Variants in LARGE1 observed in about 807,000 individuals in gnomAD.
LARGE1 encodes the protein xylosyl- and glucuronyltransferase LARGE1.
LARGE1 carries 43 observed loss-of-function variants against 87.6 expected under a neutral mutation model. The ratio of observed to expected loss-of-function variants is 0.49; its 90% confidence interval spans 0.38 to 0.63. The LOEUF (loss-of-function observed/expected upper bound fraction) is 0.63, where lower values mean the gene tolerates loss of function less well. Among genes scored for constraint, LARGE1 ranks in the 30% least tolerant of loss-of-function variants. The pLI, the probability that LARGE1 is intolerant of heterozygous loss-of-function variation, is 0.00. For synonymous variants in LARGE1, 434 were observed against 394.6 expected (o/e 1.10, Z -1.18); for missense variants, 802 against 1,000.2 (o/e 0.80, Z 2.67).
chr22:33,485,141 T>C (rs973930774), intron 6 of LARGE1, among the ~76,000 whole-genome samples: 9 of 151,898 alleles, frequency 5.9e-5, no homozygotes, highest in Admixed American at 5.2e-4. Flanking sequence ...TCGAACTCCT[T>C]AGCTCAGGCA....
chr22:33,364,811 C>T (rs182255427), intron 9 of LARGE1, among the ~76,000 whole-genome samples: 415 of 152,210 alleles, frequency 2.7e-3, no homozygotes, highest in South Asian at 7.1e-3. Flanking sequence ...AACGTCCCAC[C>T]GCAGCCACCC....
In LARGE1 at chr22:33,749,950, G is replaced by T. The variant is rs999937447; in HGVS notation, c.106+11421C>A. On this transcript the variant is annotated intron_variant, in intron 2 of 14. Coordinates refer to ENST00000397394, the MANE Select transcript of LARGE1 (RefSeq NM_133642.5). ...GGACAGGCTCCCTTGCTATCTTGGTGGCCTTGCTCAAACGGTACAACGTCC... is the reference window on the plus strand; with the variant it reads ...GGACAGGCTCCCTTGCTATCTTGGTTGCCTTGCTCAAACGGTACAACGTCC... Among the ~76,000 whole-genome samples, 5 of 152,106 alleles carry T rather than the reference G, an allele frequency of 3.3e-5. 1 individual carries two copies. The highest frequency in any genetic ancestry group is 6.3e-3 in the Middle Eastern group (2 of 316).
chr22:33,289,547 T>C (rs537367615), intron 12 of LARGE1, among the ~76,000 whole-genome samples: 3 of 152,288 alleles, frequency 2.0e-5, no homozygotes, highest in South Asian at 2.1e-4. Flanking sequence ...CTGTCACAGC[T>C]GAGCCTACTG....
At chr22:33,865,077 G>C (rs1276972840) in intron 1 of LARGE1, among the ~76,000 whole-genome samples, 2 of 152,182 alleles carry the variant, frequency 1.3e-5, no homozygotes, top group Admixed American at 1.3e-4. Flanking sequence ...ATAAAGTACT[G>C]CTGACTTCTA....
At chr22:33,174,557 T>A (rs978699056) in intron 11 of LARGE1, among the ~76,000 whole-genome samples, 60 of 152,068 alleles carry the variant, frequency 3.9e-4, no homozygotes, top group African/African-American at 1.4e-3. Context: ...AGCAGCTGCT[T>A]TTTTGAAAAG....
chr22:33,452,937 G>T (rs967195284), intron 6 of LARGE1, among the ~76,000 whole-genome samples: 2 of 152,202 alleles, frequency 1.3e-5, no homozygotes, highest in African/African-American at 2.4e-5. Flanking sequence ...AGGCCTGGTA[G>T]AGAGGAATTA....
intron 6 of LARGE1, among the ~76,000 whole-genome samples, chr22:33,433,887 G>A (rs1008936907): frequency 5.9e-5 from 9 of 152,150 alleles, no homozygotes; most frequent in Non-Finnish European, 1.0e-4. Context: ...GATGGTGTGT[G>A]GGTTTGGGGT....
At chr22:33,496,373 C>G (rs371213070) in intron 6 of LARGE1, among the ~76,000 whole-genome samples, 3 of 152,126 alleles carry the variant, frequency 2.0e-5, no homozygotes, top group African/African-American at 7.2e-5. Flanking sequence ...TTAACCATCA[C>G]GGTGAGTGAT....
At chr22:33,340,120 C>T (rs900170557) in intron 9 of LARGE1, among the ~76,000 whole-genome samples, 11 of 149,564 alleles carry the variant, frequency 7.4e-5, no homozygotes, top group South Asian at 2.1e-4. Flanking sequence ...TTATTTAATA[C>T]GCACAACAGG....
intron 2 of LARGE1, among the ~76,000 whole-genome samples, chr22:33,659,997 C>G (rs2081073221): frequency 6.6e-6 from 1 of 151,384 alleles, no homozygotes; most frequent in Non-Finnish European, 1.5e-5. Context: ...GAAGTGTGTT[C>G]TAACGAGCAA....
At chr22:33,631,596 A>T (rs903298366) in intron 3 of LARGE1, among the ~76,000 whole-genome samples, 4 of 152,134 alleles carry the variant, frequency 2.6e-5, no homozygotes, top group African/African-American at 9.7e-5. Flanking sequence ...GGGCATTAAC[A>T]CACATGGAGC....
chr22:33,805,363 C>G (rs2086275175), intron 1 of LARGE1, among the ~76,000 whole-genome samples: 1 of 152,124 alleles, frequency 6.6e-6, no homozygotes, highest in South Asian at 2.1e-4. Context: ...CCAAAGAGAT[C>G]TTTTAGAAAA....
intron 1 of LARGE1, among the ~76,000 whole-genome samples, chr22:33,899,393 C>T (rs2146886355): frequency 6.6e-6 from 1 of 152,286 alleles, no homozygotes; most frequent in Non-Finnish European, 1.5e-5. Context: ...TTCCTTCTAA[C>T]CAAACAATGC....
chr22:33,743,599 C>T (rs2083970047), intron 2 of LARGE1, among the ~76,000 whole-genome samples: 1 of 152,192 alleles, frequency 6.6e-6, no homozygotes, highest in Admixed American at 6.5e-5. Context: ...ATGTTGGCTA[C>T]CCAGCCGGTG....
the LARGE1 span, among the ~76,000 whole-genome samples, chr22:33,148,159 T>G: frequency 6.6e-6 from 1 of 152,192 alleles, no homozygotes; most frequent in Non-Finnish European, 1.5e-5. Flanking sequence ...CCTCTACAGA[T>G]GTCAATGCCA....
intron 1 of LARGE1, among the ~76,000 whole-genome samples, chr22:33,917,973 T>C (rs988529541): frequency 3.3e-5 from 5 of 151,818 alleles, no homozygotes; most frequent in African/African-American, 1.2e-4. Flanking sequence ...AAAAGATAAC[T>C]AGTCCCCCCT....
chr22:33,418,483 G>C (rs1213055891), intron 7 of LARGE1, among the ~76,000 whole-genome samples: 1 of 152,192 alleles, frequency 6.6e-6, no homozygotes, highest in African/African-American at 2.4e-5. Flanking sequence ...AACATGGATG[G>C]AAAGTGCAAA....
intron 6 of LARGE1, among the ~76,000 whole-genome samples, chr22:33,434,093 A>T (rs1390276317): frequency 6.6e-6 from 1 of 152,230 alleles, no homozygotes; most frequent in Non-Finnish European, 1.5e-5. Flanking sequence ...CATGTGCAAC[A>T]AGCTTAGGAC....
chr22:33,343,791 C>T (rs1336645377), intron 9 of LARGE1, among the ~76,000 whole-genome samples: 1 of 152,178 alleles, frequency 6.6e-6, no homozygotes, highest in Non-Finnish European at 1.5e-5. Flanking sequence ...AAAACAAAAT[C>T]AGATCTGTCT....
Sources: allele counts gnomAD v4.1 joint callset (sites outside exome capture counted in the v4.1 genomes callset), GRCh38; gene constraint gnomAD v4.1.1; transcripts MANE v1.5; gene names NCBI Gene and HGNC (gene_info 2026-07-23, HGNC 2026-07-21).